The following GNG2 variants were observed in gnomAD, a reference collection of about 807,000 sequenced individuals.
GNG2 encodes the protein G protein subunit gamma 2, also known as guanine nucleotide-binding protein G(I)/G(S)/G(O) subunit gamma-2.
A neutral mutation model predicts 5.5 loss-of-function variants in GNG2; 5 were observed. That is an observed-to-expected ratio of 0.91 (90% CI 0.48 to 1.92). GNG2 has a LOEUF of 1.92. Among genes scored for constraint, GNG2 ranks in the 30% most tolerant of loss-of-function variants. The pLI, the probability that GNG2 is intolerant of heterozygous loss-of-function variation, is 0.01. For missense variants in GNG2, 55 were observed against 88.4 expected, an observed-to-expected ratio of 0.62 and a Z score of 1.52; for synonymous variants, 28 against 32.0, an observed-to-expected ratio of 0.88 and a Z score of 0.42.
At chr14:51,898,816 C>G (rs1369042705) in intron 2 of GNG2, among the ~76,000 whole-genome samples, 1 of 152,166 alleles carries the variant, frequency 6.6e-6, no homozygotes, top group African/African-American at 2.4e-5. Flanking sequence ...AGCTACAGCA[C>G]TTGGGTATTG....
intron 2 of GNG2, among the ~76,000 whole-genome samples, chr14:51,926,873 T>A (rs931199963): frequency 3.3e-5 from 5 of 152,178 alleles, no homozygotes; most frequent in Non-Finnish European, 5.9e-5. Context: ...TTAGCTGAAC[T>A]AAGGAGAAAG....
At chr14:51,839,315 G>C (rs1881421172) in intron 2 of GNG2, among the ~76,000 whole-genome samples, 1 of 152,202 alleles carries the variant, frequency 6.6e-6, no homozygotes, top group Non-Finnish European at 1.5e-5. Flanking sequence ...GAGGCTTCCA[G>C]GTCATAAGTA....
chr14:51,926,570 G>C (rs757127140), intron 2 of GNG2, among the ~76,000 whole-genome samples: 1 of 152,184 alleles, frequency 6.6e-6, no homozygotes, highest in African/African-American at 2.4e-5. Context: ...TGTTGAGACA[G>C]CCAAGCATAA....
chr14:51,846,212 G>A (rs925214146), intron 2 of GNG2, among the ~76,000 whole-genome samples: 5 of 152,182 alleles, frequency 3.3e-5, no homozygotes, highest in African/African-American at 1.2e-4. Flanking sequence ...GAAAAATCAA[G>A]GAGGTGAGTT....
At chr14:51,888,486 T>C (rs183439081) in intron 2 of GNG2, among the ~76,000 whole-genome samples, 2 of 152,274 alleles carry the variant, frequency 1.3e-5, no homozygotes, top group Admixed American at 1.3e-4. Flanking sequence ...GCCTGGCTAA[T>C]TTTTAAATGT....
At chr14:51,897,744 C>A (rs992724411) in intron 2 of GNG2, among the ~76,000 whole-genome samples, 2 of 152,160 alleles carry the variant, frequency 1.3e-5, no homozygotes, top group Non-Finnish European at 2.9e-5. Flanking sequence ...CGTGAACTTA[C>A]GTGATGGCCA....
At chr14:51,856,451 C>T (rs989179357), upstream of GNG2, among the ~76,000 whole-genome samples, 2 of 151,970 alleles carry the variant, frequency 1.3e-5, no homozygotes, top group African/African-American at 2.4e-5. Context: ...TGTTGTTGTT[C>T]GAGACGGAGT....
At chr14:51,858,526 A>G (rs1882268933), upstream of GNG2, among the ~76,000 whole-genome samples, 1 of 152,206 alleles carries the variant, frequency 6.6e-6, no homozygotes, top group Non-Finnish European at 1.5e-5. Context: ...AATACCAACC[A>G]TCGGAGGATG....
At chr14:51,960,591 C>CAATTGTTAAAATAACAATTGTTTAAAAAT (rs1555358656) in intron 3 of GNG2, among the ~76,000 whole-genome samples, 15 of 152,106 alleles carry the variant, frequency 9.9e-5, no homozygotes, top group African/African-American at 3.6e-4. Flanking sequence ...ACGATATTAA[C>CAATTGTTAAAATAACAATTGTTTAAAAAT]AATTGTTAAA....
At chr14:51,937,066 G>T (rs1440235938) in intron 2 of GNG2, among the ~76,000 whole-genome samples, 1 of 152,118 alleles carries the variant, frequency 6.6e-6, no homozygotes, top group African/African-American at 2.4e-5. Flanking sequence ...TGGTGAGCAA[G>T]TAAAAGGAAA....
intron 2 of GNG2, among the ~76,000 whole-genome samples, chr14:51,840,243 T>C (rs1399592700): frequency 6.6e-6 from 1 of 152,200 alleles, no homozygotes; most frequent in Non-Finnish European, 1.5e-5. Flanking sequence ...TCTCCTTTAC[T>C]CCCAGAACTT....
At chr14:51,912,849 G>A (rs528286642) in intron 2 of GNG2, among the ~76,000 whole-genome samples, 1 of 152,042 alleles carries the variant, frequency 6.6e-6, no homozygotes, top group South Asian at 2.1e-4. Flanking sequence ...TTGGGGGTGG[G>A]GGTGGGGGTG....
intron 2 of GNG2, among the ~76,000 whole-genome samples, chr14:51,911,480 T>A (rs1414425820): frequency 6.6e-6 from 1 of 152,074 alleles, no homozygotes; most frequent in Non-Finnish European, 1.5e-5. Flanking sequence ...CTGGGAAATC[T>A]TGGAAATTTA....
chr14:51,838,392 C>T (rs571656900), intron 2 of GNG2, among the ~76,000 whole-genome samples: 38 of 151,678 alleles, frequency 2.5e-4, no homozygotes, highest in Middle Eastern at 3.4e-3. Flanking sequence ...TGCAATGAGC[C>T]GAGATTGCAC....
chr14:51,948,749 A>C (rs1321869151), intron 2 of GNG2, among the ~76,000 whole-genome samples: 1 of 152,204 alleles, frequency 6.6e-6, no homozygotes, highest in Non-Finnish European at 1.5e-5. Context: ...GTGTAAAAGT[A>C]GAGTTCAGAG....
At chr14:51,871,382 T>C (rs1883286804) in intron 1 of GNG2, among the ~76,000 whole-genome samples, 1 of 149,360 alleles carries the variant, frequency 6.7e-6, no homozygotes, top group South Asian at 2.1e-4. Flanking sequence ...AAAATAATCA[T>C]AAAATACTGA....
At chr14:51,946,567 C>G (rs1032996329) in intron 2 of GNG2, among the ~76,000 whole-genome samples, 1 of 152,138 alleles carries the variant, frequency 6.6e-6, no homozygotes, top group Non-Finnish European at 1.5e-5. Flanking sequence ...GCTTAATTCA[C>G]AATCTCACGC....
At chr14:51,840,155 C>G (rs1032790984) in intron 2 of GNG2, among the ~76,000 whole-genome samples, 1 of 152,186 alleles carries the variant, frequency 6.6e-6, no homozygotes, top group Non-Finnish European at 1.5e-5. Context: ...TGGGTAGCTC[C>G]ATCAGTAGCT....
At chr14:51,908,736 A>ATTTTTTTTTTTTTTTTT (rs3030340) in intron 2 of GNG2, among the ~76,000 whole-genome samples, 2 of 89,880 alleles carry the variant, frequency 2.2e-5, no homozygotes, top group African/African-American at 4.2e-5. Context: ...CACCCAGCTA[A>ATTTTTTTTTTTTTTTTT]TTTTTTTTTT....
Sources: gnomAD v4.1 joint callset for allele counts (sites outside exome capture counted in the v4.1 genomes callset) on GRCh38, gnomAD v4.1.1 for gene constraint, MANE v1.5 for transcripts, NCBI Gene and HGNC (gene_info 2026-07-23, HGNC 2026-07-21) for gene names.